Variants in AK4 observed in about 807,000 individuals in gnomAD.
The protein encoded by AK4 is adenylate kinase 4, mitochondrial.
In AK4, 13 loss-of-function variants were observed where a neutral mutation model predicts 24.6. The ratio of observed to expected loss-of-function variants is 0.53; its 90% CI spans 0.34 to 0.84. The LOEUF (loss-of-function observed/expected upper bound fraction) is 0.84, where lower values mean the gene tolerates loss of function less well. Among genes scored for constraint, AK4 ranks in the 40% least tolerant of loss-of-function variants. The probability of loss-of-function intolerance (pLI) is 0.01; values close to 1 mark genes in which losing one functional copy is unlikely to be tolerated. For missense variants in AK4, 192 were observed against 288.2 expected, an observed-to-expected ratio of 0.67 and a Z score of 2.42; for synonymous variants, 88 against 107.0, an observed-to-expected ratio of 0.82 and a Z score of 1.10.
chr1:65,209,079 T>G (rs1651896478), intron 2 of AK4, among the ~76,000 whole-genome samples: 1 of 152,192 alleles, frequency 6.6e-6, no homozygotes, highest in Non-Finnish European at 1.5e-5. Context: ...AAATATAAAA[T>G]TTCAGCTTTC....
intron 1 of AK4, among the ~76,000 whole-genome samples, chr1:65,170,383 C>CA (rs1174450118): frequency 6.8e-6 from 1 of 147,750 alleles, no homozygotes; most frequent in African/African-American, 2.5e-5. Flanking sequence ...CACACACACA[C>CA]ACACAAAAAA....
chr1:65,190,650 G>A (rs1651274513), intron 1 of AK4, 60 bp from the exon 2 acceptor site: 1 of 1,576,656 alleles, frequency 6.3e-7, no homozygotes, highest in Non-Finnish European at 8.6e-7. Flanking sequence ...CTAAGAGTTG[G>A]TAAGCTTTGT....
chr1:65,212,302 CTT>C (rs1233768121), intron 2 of AK4, among the ~76,000 whole-genome samples: 2 of 144,530 alleles, frequency 1.4e-5, no homozygotes, highest in African/African-American at 2.5e-5. Flanking sequence ...TTTTAGGATT[CTT>C]TTTTTTTTTT....
In AK4 at chr1:65,212,896, G is replaced by C. The variant is rs141495485; in HGVS notation, c.266-5858G>C. The stretch of plus-strand genomic sequence containing the variant: ...CCACCTCATAGGGTTAATGAGAAGA[G>C]TAAGAGGTAAGTAAATTTATAGAAA... On this transcript the variant is annotated intron_variant, in intron 2 of 4. Transcript: ENST00000327299. Among the ~76,000 whole-genome samples the C allele has an allele frequency of 2.0e-3, 301 of 152,346 alleles. 7 individuals carry two copies. In the East Asian group the frequency reaches 0.053, roughly 27 times the overall value.
In AK4 at chr1:65,229,435, TAGGC is replaced by T. The variant is rs1396279194; in HGVS notation, c.*3262_*3265del. The T allele has an allele frequency of 1.3e-5, 2 of 152,058 alleles. No individual in the cohort carries two copies. The highest frequency in any genetic ancestry group is 2.9e-5 in the Non-Finnish European group (2 of 68,076). The allele number at this position is 152,058 out of a possible 1,614,324, so 9.4% of individuals were successfully genotyped here. ...TATGGTCCTAGTTACTCAGGAGACTTAGGCAGGAGGATTGCTTGATCCTAGGAAT... is the reference window on the plus strand; with the variant it reads ...TATGGTCCTAGTTACTCAGGAGACTTAGGAGGATTGCTTGATCCTAGGAAT... On this transcript the variant is annotated 3_prime_UTR_variant, in exon 5 of 5. Coordinates refer to ENST00000327299, the MANE Select transcript of AK4 (RefSeq NM_013410.4).
chr1:65,197,669 C>T (rs1241073178), intron 2 of AK4, among the ~76,000 whole-genome samples: 1 of 152,220 alleles, frequency 6.6e-6, no homozygotes, highest in Non-Finnish European at 1.5e-5. Context: ...CCTGGCTACG[C>T]ACTCACTTAG....
chr1:65,209,287 ACTT>A (rs532860847), intron 2 of AK4, among the ~76,000 whole-genome samples: 100 of 152,274 alleles, frequency 6.6e-4, no homozygotes, highest in African/African-American at 2.3e-3. Flanking sequence ...TGGCATTTCT[ACTT>A]CTTCAACAAT....
intron 1 of AK4, chr1:65,149,085 G>C (rs1000282386): frequency 2.0e-5 from 3 of 152,350 alleles, no homozygotes; most frequent in African/African-American, 4.8e-5. Flanking sequence ...CTCGGGCCTC[G>C]GGGCAGAGCC....
At chr1:65,177,378 T>C (rs1256979190) in intron 1 of AK4, among the ~76,000 whole-genome samples, 1 of 152,208 alleles carries the variant, frequency 6.6e-6, no homozygotes, top group Non-Finnish European at 1.5e-5. Flanking sequence ...TCTTTAGGAA[T>C]AGCTTACAAA....
At chr1:65,192,579 T>C (rs772220235) in intron 2 of AK4, among the ~76,000 whole-genome samples, 13 of 152,164 alleles carry the variant, frequency 8.5e-5, no homozygotes, top group Non-Finnish European at 1.9e-4. Flanking sequence ...TCTATCCTAT[T>C]AGCCCCCAAA....
In AK4 at chr1:65,197,021, TACTG is replaced by T. The variant is rs568056459; in HGVS notation, c.265+6196_265+6199del. ...TAAAACTATCAGATCTCATGAAACT[TACTG>T]ACTATCATGAGAACAGCACGGAAAA... On this transcript the variant is annotated intron_variant, in intron 2 of 4. Coordinates refer to ENST00000327299, the MANE Select transcript of AK4 (RefSeq NM_013410.4). 3.1e-3 allele frequency among the ~76,000 whole-genome samples: 465 copies of T among 152,216 alleles called. 1 individual carries two copies. Among genetic ancestry groups the T allele is most frequent in the Non-Finnish European group, 5.2e-3 (357 of 68,006 alleles).
chr1:65,170,384 ACAC>A (rs748088750), intron 1 of AK4, among the ~76,000 whole-genome samples: 1 of 150,460 alleles, frequency 6.6e-6, no homozygotes, highest in African/African-American at 2.5e-5. Flanking sequence ...ACACACACAC[ACAC>A]AAAAAAAATC....
At chr1:65,218,639 A>G in intron 2 of AK4, 115 bp from the exon 3 acceptor site, 1 of 1,022,114 alleles carries the variant, frequency 9.8e-7, no homozygotes, top group South Asian at 2.5e-5. Context: ...CAGATAGTGT[A>G]AAGCTCCTTT....
rs540573258 is a variant in AK4, at chr1:65,216,005, G to T, written c.266-2749G>T. On this transcript the variant is annotated intron_variant, in intron 2 of 4. Transcript: ENST00000327299. ...GGCAGAGACTGTGGCTAAGCTTTCA[G>T]GTCTTAGAAGAGGGATCTCTAAAAT... is the stretch of plus-strand genomic sequence containing the variant. Among the ~76,000 whole-genome samples the T allele has an allele frequency of 1.6e-4, 24 of 152,264 alleles. No homozygotes were observed. In the South Asian group the frequency reaches 4.8e-3, roughly 30 times the overall value.
intron 1 of AK4, among the ~76,000 whole-genome samples, chr1:65,157,635 GAA>G (rs1437129799): frequency 6.6e-6 from 1 of 152,000 alleles, no homozygotes; most frequent in African/African-American, 2.4e-5. Flanking sequence ...AATAATGTAA[GAA>G]AATTAGCTGG....
intron 2 of AK4, among the ~76,000 whole-genome samples, chr1:65,206,372 C>A (rs1414411692): frequency 6.6e-6 from 1 of 152,200 alleles, no homozygotes; most frequent in Non-Finnish European, 1.5e-5. Flanking sequence ...ATGGTGAAAT[C>A]ATTTACAAAT....
At chr1:65,223,432 G>A (rs907953538) in intron 3 of AK4, among the ~76,000 whole-genome samples, 3 of 151,846 alleles carry the variant, frequency 2.0e-5, no homozygotes, top group Non-Finnish European at 2.9e-5. Context: ...TAAGTGATCC[G>A]CCCGCCTTGG....
At chr1:65,176,808 C>T (rs565159859) in intron 1 of AK4, among the ~76,000 whole-genome samples, 3 of 152,284 alleles carry the variant, frequency 2.0e-5, no homozygotes, top group African/African-American at 7.2e-5. Flanking sequence ...AGCTGGGACT[C>T]CTGATTCCCA....
intron 2 of AK4, among the ~76,000 whole-genome samples, chr1:65,205,900 A>G (rs1181132483): frequency 2.0e-5 from 3 of 152,262 alleles, no homozygotes; most frequent in East Asian, 1.9e-4. Context: ...TTTATATTCC[A>G]TAACTGTTTG....
Sources: allele counts gnomAD v4.1 joint callset (sites outside exome capture counted in the v4.1 genomes callset), GRCh38; gene constraint gnomAD v4.1.1; transcripts MANE v1.5; gene names NCBI Gene and HGNC (gene_info 2026-07-23, HGNC 2026-07-21).